The following SNX25 variants were observed in gnomAD, a reference collection of about 807,000 sequenced individuals.
The protein encoded by SNX25 is sorting nexin-25.
Under a neutral mutation model 113.7 loss-of-function variants are expected in SNX25, and 62 were observed. The observed-to-expected ratio is 0.55, with a 90% CI of 0.44 to 0.67. SNX25 has a LOEUF of 0.67. SNX25 is among the 30% of genes least tolerant of loss of function. SNX25 has a pLI of 0.00. For synonymous variants in SNX25, 421 were observed against 436.2 expected (o/e 0.97, Z 0.43); for missense variants, 1,014 against 1,161.0 (o/e 0.87, Z 1.84).
upstream of SNX25, chr4:185,204,606 A>C (rs1367352222): frequency 6.6e-6 from 1 of 152,268 alleles, no homozygotes; most frequent in Non-Finnish European, 1.5e-5. Flanking sequence ...CAACACGTGA[A>C]TATGTCACCT....
At chr4:185,377,940 G>A in the SNX25 span, 1 of 662,452 alleles carries the variant, frequency 1.5e-6, no homozygotes, top group African/African-American at 1.8e-5. Flanking sequence ...ACAGATTCTT[G>A]CGGGAAAACT....
chr4:185,234,998 T>G (rs916343344), intron 1 of SNX25, among the ~76,000 whole-genome samples: 1 of 152,244 alleles, frequency 6.6e-6, no homozygotes, highest in Non-Finnish European at 1.5e-5. Context: ...ATGGTAATAA[T>G]AAGGGGATTA....
intron 6 of SNX25, among the ~76,000 whole-genome samples, chr4:185,288,828 G>T (rs1288536): frequency 0.55 from 83,475 of 152,074 alleles, 23,741 homozygotes; most frequent in East Asian, 0.75. Flanking sequence ...GAGCAGGTCT[G>T]GCTTTGCAGC....
intron 7 of SNX25, among the ~76,000 whole-genome samples, chr4:185,319,106 T>A (rs144156146): frequency 0.05 from 7,416 of 149,630 alleles, 257 homozygotes; most frequent in South Asian, 0.068. Flanking sequence ...TTTTATTTTT[T>A]TTTTTTTAAA....
At chr4:185,214,942 AATAATGG>A (rs1738534836) in intron 1 of SNX25, among the ~76,000 whole-genome samples, 1 of 152,132 alleles carries the variant, frequency 6.6e-6, no homozygotes, top group Admixed American at 6.6e-5. Context: ...TAAGAACTAG[AATAATGG>A]GCCTGGCGCG....
Position 185,339,444 on chromosome 4 carries a change from C to T in SNX25, c.1980C>T (p.His660=), listed in dbSNP as rs1325933581. Residue 660 remains histidine (H), a synonymous_variant, in exon 11 of 19, where the codon CAC becomes CAT. Transcript: ENST00000652585. The part of the protein sequence containing the change: ...IEKERTDLQL[H]MARTDWWCEN... The stretch of plus-strand genomic sequence containing the variant: ...AAGAACGCACAGACCTTCAGCTGCA[C>T]ATGGCAAGAACGGATTGGTGGTGTG... 1.2e-6 allele frequency: 2 copies of T among 1,614,134 alleles called. No individual in the cohort carries two copies. Among genetic ancestry groups the T allele is most frequent in the South Asian group, 1.1e-5 (1 of 91,082 alleles).
downstream of SNX25, chr4:185,370,611 G>A: frequency 6.2e-7 from 1 of 1,603,890 alleles, no homozygotes; most frequent in Non-Finnish European, 8.5e-7. Context: ...TTCTCTTTGG[G>A]TGAATTTATA....
intron 7 of SNX25, among the ~76,000 whole-genome samples, chr4:185,316,680 T>C (rs1579759353): frequency 6.6e-6 from 1 of 152,226 alleles, no homozygotes; most frequent in African/African-American, 2.4e-5. Context: ...GTTTACTTAT[T>C]TGACCCAGGG....
intron 16 of SNX25, among the ~76,000 whole-genome samples, chr4:185,358,278 A>G (rs1459915537): frequency 6.6e-6 from 1 of 152,182 alleles, no homozygotes; most frequent in East Asian, 1.9e-4. Context: ...TACAAGCCAT[A>G]TGTCTATTCT....
intron 1 of SNX25, among the ~76,000 whole-genome samples, chr4:185,228,311 G>T (rs1475859603): frequency 6.6e-6 from 1 of 152,148 alleles, no homozygotes; most frequent in Non-Finnish European, 1.5e-5. Flanking sequence ...CTCAGAGATA[G>T]ATTGTAATTG....
intron 2 of SNX25, among the ~76,000 whole-genome samples, chr4:185,254,375 G>A (rs924405397): frequency 3.3e-5 from 5 of 152,256 alleles, no homozygotes; most frequent in African/African-American, 7.2e-5. Flanking sequence ...GTTTCTGGTT[G>A]AATGAGGACT....
upstream of SNX25, among the ~76,000 whole-genome samples, chr4:185,206,213 T>G (rs1737180499): frequency 6.6e-6 from 1 of 152,194 alleles, no homozygotes; most frequent in Non-Finnish European, 1.5e-5. Flanking sequence ...GCACCCATGT[T>G]CATAGCAGAA....
At chr4:185,221,009 G>T (rs1270875983) in intron 1 of SNX25, among the ~76,000 whole-genome samples, 1 of 151,898 alleles carries the variant, frequency 6.6e-6, no homozygotes, top group Non-Finnish European at 1.5e-5. Flanking sequence ...TGGGACTACA[G>T]GTGGGTGCCA....
chr4:185,267,180 A>C, intron 5 of SNX25, 25 bp downstream of exon 5: 2 of 1,600,786 alleles, frequency 1.2e-6, no homozygotes, highest in Non-Finnish European at 1.7e-6. Flanking sequence ...ATTATAGCAC[A>C]GCAACAGCTA....
intron 4 of SNX25, 103 bp from the exon 5 acceptor site, chr4:185,266,866 C>A: frequency 8.5e-7 from 1 of 1,175,778 alleles, no homozygotes; most frequent in Non-Finnish European, 1.2e-6. Flanking sequence ...TGTTTGACTA[C>A]TTGAAAAATG....
At chr4:185,228,732 A>G (rs944652103) in intron 1 of SNX25, among the ~76,000 whole-genome samples, 3 of 152,110 alleles carry the variant, frequency 2.0e-5, no homozygotes, top group African/African-American at 7.2e-5. Flanking sequence ...AGGCGATAAA[A>G]GGTTTGGAAA....
At chr4:185,209,529 G>T (rs1400380323), upstream of SNX25, 2 of 168,816 alleles carry the variant, frequency 1.2e-5, no homozygotes, top group African/African-American at 4.8e-5. The surrounding 1 kb of genome is among the most constrained non-coding windows in gnomAD (Gnocchi z 5.2). Context: ...GGCCGCGGTG[G>T]CTCCGGGCCC....
In SNX25 at chr4:185,288,066, A is replaced by G. The variant is rs748481370; in HGVS notation, c.1146A>G (p.Gln382=). ...CGACTACAATTAGCAGCTTTCCCCA[A>G]CTGAAGAGGCACAAAGGTAAGAGCC... ...IQATTISSFP[Q]LKRHKGKETA... Residue 382 remains glutamine (Q), a synonymous_variant, in exon 6 of 19, where the codon CAA becomes CAG. Coordinates refer to ENST00000652585, the MANE Select transcript of SNX25 (RefSeq NM_001378034.2). 1.9e-6 allele frequency: 3 copies of G among 1,613,522 alleles called. No individual in the cohort carries two copies. Among genetic ancestry groups the G allele is most frequent in the East Asian group, 2.2e-5 (1 of 44,860 alleles).
intron 6 of SNX25, among the ~76,000 whole-genome samples, chr4:185,298,335 C>T (rs980860711): frequency 3.3e-5 from 5 of 152,150 alleles, no homozygotes; most frequent in South Asian, 2.1e-4. Flanking sequence ...GTGACTCACC[C>T]GCCTCGGCCT....
Sources: allele counts gnomAD v4.1 joint callset (sites outside exome capture counted in the v4.1 genomes callset), GRCh38; gene constraint gnomAD v4.1.1; non-coding constraint Gnocchi (gnomAD v3.1); transcripts MANE v1.5; gene names NCBI Gene and HGNC (gene_info 2026-07-23, HGNC 2026-07-21).